RIPOR2: variants seen among roughly 807,000 people sequenced by gnomAD.
The protein encoded by RIPOR2 is RHO family interacting cell polarization regulator 2.
A neutral mutation model predicts 114.5 loss-of-function variants in RIPOR2; 39 were observed. That is an observed-to-expected ratio of 0.34 (90% confidence interval 0.26 to 0.44). RIPOR2 has a LOEUF of 0.44. Among genes scored for constraint, RIPOR2 ranks in the 20% least tolerant of loss-of-function variants. The pLI is 1.00. For synonymous variants in RIPOR2, 445 were observed against 484.4 expected (o/e 0.92, Z 1.07); for missense variants, 1,007 against 1,255.1 (o/e 0.80, Z 2.99).
chr6:25,023,035 A>T (rs9348655), intron 1 of RIPOR2, among the ~76,000 whole-genome samples: 28,426 of 151,722 alleles, frequency 0.19, 3,371 homozygotes, highest in East Asian at 0.57. Flanking sequence ...ATTGTCATTT[A>T]ATAGCTACCC....
At chr6:24,821,012 A>G (rs1759649911) in intron 19 of RIPOR2, among the ~76,000 whole-genome samples, 1 of 150,384 alleles carries the variant, frequency 6.6e-6, no homozygotes, top group Admixed American at 6.7e-5. Context: ...AGCTGGGATT[A>G]TAGGTGCCTG....
chr6:24,971,414 GATT>G (rs1486653225), intron 1 of RIPOR2, among the ~76,000 whole-genome samples: 1 of 152,246 alleles, frequency 6.6e-6, no homozygotes, highest in African/African-American at 2.4e-5. Context: ...AGCAGGTTGT[GATT>G]AACTAGCTGA....
intron 15 of RIPOR2, among the ~76,000 whole-genome samples, chr6:24,835,470 C>G (rs571098782): frequency 6.6e-6 from 1 of 152,130 alleles, no homozygotes; most frequent in South Asian, 2.1e-4. Context: ...TGAGAGCTAA[C>G]CATATGCCAC....
At chr6:24,831,953 T>C (rs1760721838) in intron 16 of RIPOR2, among the ~76,000 whole-genome samples, 1 of 152,154 alleles carries the variant, frequency 6.6e-6, no homozygotes, top group Non-Finnish European at 1.5e-5. Context: ...CATCTGTCCC[T>C]AAAGGGAACC....
At chr6:24,906,069 A>G (rs1308277127) in intron 1 of RIPOR2, among the ~76,000 whole-genome samples, 1 of 152,212 alleles carries the variant, frequency 6.6e-6, no homozygotes, top group Non-Finnish European at 1.5e-5. Context: ...GGTTTTCGGT[A>G]TGGTCATTGG....
intron 1 of RIPOR2, among the ~76,000 whole-genome samples, chr6:24,923,681 C>T (rs1304248192): frequency 6.6e-6 from 1 of 151,926 alleles, no homozygotes; most frequent in African/African-American, 2.4e-5. Context: ...CCCCTCTCTA[C>T]TAAAAATACA....
chr6:24,888,275 G>A (rs1011197539), intron 1 of RIPOR2, among the ~76,000 whole-genome samples: 7 of 152,020 alleles, frequency 4.6e-5, no homozygotes, highest in African/African-American at 1.7e-4. Context: ...GAAGAAAATG[G>A]CCCCATTCCT....
chr6:24,963,323 A>T lies in RIPOR2; in HGVS notation c.76+78528T>A, dbSNP rs1773388929. ...GCTGGGATTACAGGCATGAGTCACC[A>T]TGCCTGGTCGCATGTGTTTACCCCA... On this transcript the variant is annotated intron_variant, in intron 1 of 13. Transcript: ENST00000510784. Among the ~76,000 whole-genome samples the T allele has an allele frequency of 3.3e-5, 5 of 152,266 alleles. No homozygotes were observed. In the South Asian group the frequency reaches 1.0e-3, roughly 32 times the overall value.
chr6:24,839,711 T>C, intron 13 of RIPOR2: 2 of 1,472,978 alleles, frequency 1.4e-6, no homozygotes, highest in African/African-American at 1.4e-5. Flanking sequence ...CTCTGCCTAG[T>C]GCTCACCCCA....
intron 12 of RIPOR2, among the ~76,000 whole-genome samples, chr6:24,844,132 G>T (rs1762021498): frequency 1.3e-5 from 2 of 152,140 alleles, no homozygotes; most frequent in Non-Finnish European, 2.9e-5. Context: ...CCATACATTT[G>T]CATAGCTTCT....
intron 1 of RIPOR2, among the ~76,000 whole-genome samples, chr6:24,900,529 C>T (rs183584588): frequency 1.3e-5 from 2 of 152,138 alleles, no homozygotes; most frequent in East Asian, 3.9e-4. Context: ...GAGACCGATG[C>T]AGGGAGATGC....
At chr6:24,809,648 C>T (rs1781007419) in intron 21 of RIPOR2, 69 bp downstream of exon 21, 4 of 1,056,260 alleles carry the variant, frequency 3.8e-6, no homozygotes, top group Non-Finnish European at 5.7e-6. Context: ...AAGGGAACAT[C>T]TAAATGGGAA....
chr6:24,938,604 T>A (rs1771947625), upstream of RIPOR2, among the ~76,000 whole-genome samples: 1 of 152,194 alleles, frequency 6.6e-6, no homozygotes, highest in African/African-American at 2.4e-5. Flanking sequence ...ACAGGGACGC[T>A]TAGGATATTT....
At chr6:24,820,474 A>T (rs1394322805) in intron 19 of RIPOR2, among the ~76,000 whole-genome samples, 1 of 152,212 alleles carries the variant, frequency 6.6e-6, no homozygotes, top group Non-Finnish European at 1.5e-5. Flanking sequence ...ATTTCAGAAT[A>T]TTTTCATTAC....
chr6:24,867,169 A>G lies in RIPOR2; in HGVS notation c.502-1719T>C, dbSNP rs948003373. Among the ~76,000 whole-genome samples the G allele has an allele frequency of 3.9e-5, 6 of 152,256 alleles. 1 individual carries two copies. The East Asian group carries it at 1.2e-3, about 29-fold the overall frequency. The stretch of plus-strand genomic sequence containing the variant: ...GCTGAGAAGAATGCCCAAACTGAAA[A>G]GAATCATCTTTAATCTTCAGGGTCA... On this transcript the variant is annotated intron_variant, in intron 6 of 21. Transcript: ENST00000643898.
chr6:24,821,849 C>T (rs1290818370), intron 19 of RIPOR2, among the ~76,000 whole-genome samples: 1 of 152,236 alleles, frequency 6.6e-6, no homozygotes, highest in Non-Finnish European at 1.5e-5. Flanking sequence ...TTTAGCATTT[C>T]ATCCCTATTG....
At chr6:24,910,938 G>C (rs2114065546) in intron 1 of RIPOR2, 1 of 985,452 alleles carries the variant, frequency 1.0e-6, no homozygotes, top group East Asian at 1.1e-4. Context: ...GACAGCCTGA[G>C]CTGGCTCACT....
chr6:24,884,747 A>T (rs1766663060), intron 1 of RIPOR2, among the ~76,000 whole-genome samples: 1 of 152,218 alleles, frequency 6.6e-6, no homozygotes, highest in Non-Finnish European at 1.5e-5. Context: ...TTGAAATCAA[A>T]GCTTCATCCA....
At chr6:24,927,259 ACCACCACAG>A (rs1770989566) in intron 1 of RIPOR2, among the ~76,000 whole-genome samples, 1 of 152,018 alleles carries the variant, frequency 6.6e-6, no homozygotes, top group African/African-American at 2.4e-5. Context: ...CACCACCACC[ACCACCACAG>A]CTACAATCAC....
Sources: allele counts gnomAD v4.1 joint callset (sites outside exome capture counted in the v4.1 genomes callset), GRCh38; gene constraint gnomAD v4.1.1; transcripts MANE v1.5; gene names NCBI Gene and HGNC (gene_info 2026-07-23, HGNC 2026-07-21).